The following ASPH variants were observed in gnomAD, a reference collection of about 807,000 sequenced individuals.
ASPH encodes aspartyl/asparaginyl beta-hydroxylase.
A neutral mutation model predicts 118.4 loss-of-function variants in ASPH; 100 were observed. The observed-to-expected ratio is 0.84, with a 90% confidence interval of 0.72 to 1.00. The LOEUF (loss-of-function observed/expected upper bound fraction) is 1.00. Among genes scored for constraint, ASPH ranks in the 50% least tolerant of loss-of-function variants. The pLI is 0.00. For synonymous variants in ASPH, 315 were observed against 325.6 expected (o/e 0.97, Z 0.35); for missense variants, 920 against 919.5 (o/e 1.00, Z -0.01).
At chr8:61,515,627 C>T (rs1810622428) in intron 24 of ASPH, among the ~76,000 whole-genome samples, 1 of 152,222 alleles carries the variant, frequency 6.6e-6, no homozygotes, top group African/African-American at 2.4e-5. Context: ...TTTCCAGCCA[C>T]CTCCTGGATG....
chr8:61,553,229 A>G lies in ASPH; in HGVS notation c.1537-109T>C, dbSNP rs1223265691. 3 of 795,198 alleles carry G rather than the reference A, an allele frequency of 3.8e-6. No homozygotes were observed. In the Admixed American group the frequency reaches 7.3e-5, roughly 19 times the overall value. The allele number at this position is 795,198 out of a possible 1,614,324, so 49.3% of individuals were successfully genotyped here. ...CATCGTATGAAAACCTAAAAACCAGAAAAATATATCTCCATATTAAACTTT... is the reference window on the plus strand; with the variant it reads ...CATCGTATGAAAACCTAAAAACCAGGAAAATATATCTCCATATTAAACTTT... On this transcript the variant is annotated intron_variant, in intron 19 of 24. Transcript: ENST00000379454.
chr8:61,616,476 T>G (rs1791539287), intron 14 of ASPH, among the ~76,000 whole-genome samples: 1 of 152,168 alleles, frequency 6.6e-6, no homozygotes, highest in Non-Finnish European at 1.5e-5. Flanking sequence ...GAATGCATTA[T>G]AGTGAACCTC....
chr8:61,579,271 C>T lies in ASPH; in HGVS notation c.1063-2413G>A, dbSNP rs971261561. On this transcript the variant is annotated intron_variant, in intron 15 of 24. Coordinates refer to ENST00000379454, the MANE Select transcript of ASPH (RefSeq NM_004318.4). ...GAGCTGGCCATTAAGGATGCCAACG[C>T]CAAGTTGTCCGAGCTGGAGGCTGCC... 1.5e-5 allele frequency: 25 copies of T among 1,613,994 alleles called. No homozygotes were observed. In the Admixed American group the frequency reaches 3.7e-4, roughly 24 times the overall value.
At chr8:61,550,001 C>T (rs1041533515) in intron 20 of ASPH, among the ~76,000 whole-genome samples, 2 of 152,106 alleles carry the variant, frequency 1.3e-5, no homozygotes, top group African/African-American at 4.8e-5. Flanking sequence ...TTTTCTGACA[C>T]TCAAAGTAAG....
At chr8:61,624,174 A>T (rs1213165532) in intron 13 of ASPH, 1 of 919,338 alleles carries the variant, frequency 1.1e-6, no homozygotes, top group Non-Finnish European at 1.3e-6. Flanking sequence ...TCTGTATCGA[A>T]ATATCTCATA....
At chr8:61,640,448 G>C (rs371787515) in intron 10 of ASPH, among the ~76,000 whole-genome samples, 1 of 152,212 alleles carries the variant, frequency 6.6e-6, no homozygotes, top group African/African-American at 2.4e-5. Flanking sequence ...GCAAGTTCAC[G>C]TCAGAGACCT....
chr8:61,603,404 T>C (rs1043373247), intron 14 of ASPH, among the ~76,000 whole-genome samples: 4 of 152,124 alleles, frequency 2.6e-5, no homozygotes, highest in East Asian at 1.9e-4. Flanking sequence ...CTGCAGAATC[T>C]TGTGAGATAT....
At chr8:61,508,145 C>T (rs972609859) in intron 24 of ASPH, among the ~76,000 whole-genome samples, 3 of 152,130 alleles carry the variant, frequency 2.0e-5, no homozygotes, top group African/African-American at 7.2e-5. Flanking sequence ...CTCCCGAGTA[C>T]CTAGGACTAC....
chr8:61,696,463 T>A (rs6984286), intron 1 of ASPH, among the ~76,000 whole-genome samples: 10 of 152,042 alleles, frequency 6.6e-5, no homozygotes, highest in Non-Finnish European at 1.3e-4. Context: ...GCAGAGAATG[T>A]GAATCAAAAT....
chr8:61,693,135 G>A lies in ASPH; in HGVS notation c.104-8947C>T, dbSNP rs117240276. 3.0e-4 allele frequency among the ~76,000 whole-genome samples: 46 copies of A among 152,180 alleles called. No individual in the cohort carries two copies. The East Asian group carries it at 4.1e-3, about 13-fold the overall frequency. On this transcript the variant is annotated intron_variant, in intron 1 of 24. Transcript: ENST00000379454. ...AGTCTTCTACACCCCAAGTCCAGCC[G>A]TAACCATGTGATTTCAATGTCTATC...
rs1468917651 is a variant in ASPH at position 61,513,393 on chromosome 8, T to C, written c.2126+4135A>G. 3.3e-5 allele frequency among the ~76,000 whole-genome samples: 5 copies of C among 152,210 alleles called. No homozygotes were observed. In the East Asian group the frequency reaches 5.8e-4, roughly 18 times the overall value. ...CACTTTAATTGACCCATTTCTCTTA[T>C]GAAAAGCACTATTTTGTAATGAAGT... On this transcript the variant is annotated intron_variant, in intron 24 of 24. Coordinates refer to ENST00000379454, the MANE Select transcript of ASPH (RefSeq NM_004318.4).
At chr8:61,592,081 T>A (rs564245405) in intron 14 of ASPH, among the ~76,000 whole-genome samples, 1 of 152,338 alleles carries the variant, frequency 6.6e-6, no homozygotes, top group South Asian at 2.1e-4. Flanking sequence ...AAGGCCAGTC[T>A]GTGAGCTTCA....
chr8:61,625,088 A>G (rs1852263592), intron 13 of ASPH: 1 of 985,660 alleles, frequency 1.0e-6, no homozygotes, highest in Non-Finnish European at 1.2e-6. Context: ...TACCCCTAAT[A>G]TATCGATCAA....
intron 13 of ASPH, chr8:61,626,391 T>C: frequency 3.1e-6 from 4 of 1,297,676 alleles, no homozygotes; most frequent in Non-Finnish European, 3.9e-6. Flanking sequence ...TAATTTTTTT[T>C]TTTTGGTGTT....
intron 14 of ASPH, among the ~76,000 whole-genome samples, chr8:61,601,522 A>G (rs1465922800): frequency 1.3e-5 from 2 of 150,422 alleles, no homozygotes; most frequent in Non-Finnish European, 2.9e-5. Context: ...CCTGGGTGAC[A>G]GAGTGAGACT....
intron 14 of ASPH, among the ~76,000 whole-genome samples, chr8:61,587,275 C>T (rs1393078437): frequency 2.0e-5 from 3 of 152,160 alleles, no homozygotes; most frequent in Admixed American, 6.5e-5. Context: ...TTATATGTTA[C>T]CATATATGCT....
At chr8:61,510,554 A>G (rs1449190163) in intron 24 of ASPH, among the ~76,000 whole-genome samples, 1 of 152,226 alleles carries the variant, frequency 6.6e-6, no homozygotes, top group Non-Finnish European at 1.5e-5. Flanking sequence ...TCGGTTCAAC[A>G]AACAAATGTT....
chr8:61,531,493 G>A (rs1457666512), intron 21 of ASPH, among the ~76,000 whole-genome samples: 2 of 151,916 alleles, frequency 1.3e-5, no homozygotes, highest in Non-Finnish European at 2.9e-5. Flanking sequence ...TATTTAGGTT[G>A]TAAATTTATT....
At position 61,555,921 on chromosome 8, in the gene ASPH, T is replaced by C; in HGVS notation, c.1536+3A>G. On this transcript the variant is annotated splice_donor_region_variant and intron_variant, in intron 19 of 24. Coordinates refer to ENST00000379454, the MANE Select transcript of ASPH (RefSeq NM_004318.4). Reference sequence around the variant, plus strand: ...AAAGGAGAGGAGAAGCAGTGAGCATTACCTTTAAATATGGGATGCTCTCAG... The same window carrying C: ...AAAGGAGAGGAGAAGCAGTGAGCATCACCTTTAAATATGGGATGCTCTCAG... 1 of 1,612,340 alleles carries C rather than the reference T, an allele frequency of 6.2e-7. No individual in the cohort carries two copies. The highest frequency in any genetic ancestry group is 8.5e-7 in the Non-Finnish European group (1 of 1,178,544).
Sources: allele counts gnomAD v4.1 joint callset (sites outside exome capture counted in the v4.1 genomes callset), GRCh38; gene constraint gnomAD v4.1.1; transcripts MANE v1.5; gene names NCBI Gene and HGNC (gene_info 2026-07-23, HGNC 2026-07-21).